Variants in CACNA2D1 observed in about 807,000 individuals in gnomAD.
The protein encoded by CACNA2D1 is voltage-dependent calcium channel subunit alpha-2/delta-1.
A neutral mutation model predicts 171.5 loss-of-function variants in CACNA2D1; 53 were observed. The observed-to-expected ratio is 0.31, with a 90% CI of 0.25 to 0.39. The LOEUF (loss-of-function observed/expected upper bound fraction) is 0.39, where lower values mean the gene tolerates loss of function less well. Among genes scored for constraint, CACNA2D1 ranks in the 10% least tolerant of loss-of-function variants. The probability of loss-of-function intolerance (pLI) is 1.00; values close to 1 mark genes in which losing one functional copy is unlikely to be tolerated. For missense variants in CACNA2D1, 903 were observed against 1,299.8 expected (o/e 0.69, Z 4.69); for synonymous variants, 442 against 443.1 (o/e 1.00, Z 0.03).
chr7:81,971,887 G>GAAATGTGAGTGTAACTGATGATCTT, intron 25 of CACNA2D1, 23 bp from the exon 26 acceptor site: 1 of 1,362,180 alleles, frequency 7.3e-7, no homozygotes, highest in Non-Finnish European at 1.1e-6. Context: ...AAGATCATCA[G>GAAATGTGAGTGTAACTGATGATCTT]TTACACTCAC....
rs188169471 is a variant in CACNA2D1 at position 82,045,951 on chromosome 7, A to G, written c.880-7716T>C. On this transcript the variant is annotated intron_variant, in intron 10 of 38. Transcript: ENST00000356860. The stretch of plus-strand genomic sequence containing the variant: ...CTAAGGTCTTTAATCATTTTCAATT[A>G]CAGTTTAATAACAGAGGAGAAAGCT... 2.6e-5 allele frequency among the ~76,000 whole-genome samples: 4 copies of G among 152,236 alleles called. No homozygotes were observed. The East Asian group carries it at 5.8e-4, about 22-fold the overall frequency.
At chr7:82,439,883 C>T (rs1830367337) in intron 1 of CACNA2D1, among the ~76,000 whole-genome samples, 1 of 151,668 alleles carries the variant, frequency 6.6e-6, no homozygotes. Context: ...CATAATTGAT[C>T]ATATGGCACA....
At chr7:82,107,326 C>A (rs1563058097) in intron 6 of CACNA2D1, among the ~76,000 whole-genome samples, 1 of 152,068 alleles carries the variant, frequency 6.6e-6, no homozygotes, top group Non-Finnish European at 1.5e-5. Flanking sequence ...AAACAGAAAT[C>A]CAAAACAAAG....
At chr7:82,063,100 A>G (rs1194655330) in intron 9 of CACNA2D1, among the ~76,000 whole-genome samples, 1 of 152,134 alleles carries the variant, frequency 6.6e-6, no homozygotes, top group Non-Finnish European at 1.5e-5. Flanking sequence ...TGTGTGTAGG[A>G]AGACCTCAAT....
At chr7:82,309,133 C>G (rs1814097271) in intron 3 of CACNA2D1, among the ~76,000 whole-genome samples, 1 of 152,138 alleles carries the variant, frequency 6.6e-6, no homozygotes, top group South Asian at 2.1e-4. Flanking sequence ...AGGCCAGGTG[C>G]AGTGGCTCAT....
At chr7:82,042,896 A>T (rs75264970) in intron 10 of CACNA2D1, among the ~76,000 whole-genome samples, 2,662 of 152,198 alleles carry the variant, frequency 0.017, 78 homozygotes, top group African/African-American at 0.06. Flanking sequence ...TTATAATTTC[A>T]TATTTCTCTG....
chr7:82,191,952 G>T (rs114514179), intron 3 of CACNA2D1, among the ~76,000 whole-genome samples: 2 of 151,886 alleles, frequency 1.3e-5, no homozygotes, highest in East Asian at 3.9e-4. Flanking sequence ...TATTGTGAGT[G>T]TAAGCACTCT....
Position 81,965,655 on chromosome 7 carries a change from C to T in CACNA2D1, c.2513G>A (p.Cys838Tyr). Reference sequence around the variant, plus strand: ...AAACCCACCATCATCCAGAATCACACAATCCATTACCTATCAAAATAAAGT... The same window carrying T: ...AAACCCACCATCATCCAGAATCACATAATCCATTACCTATCAAAATAAAGT... ...DCKRNSDVMD[C>Y]VILDDGGFLL... The change falls in exon 32 of 39, where the codon TGT becomes TAT. Residue 838 changes from cysteine (C) to tyrosine (Y), a missense_variant. By Grantham distance (194) the Cys-to-Tyr change is radical. Coordinates refer to ENST00000356860, the MANE Select transcript of CACNA2D1 (RefSeq NM_000722.4). 1 of 1,586,986 alleles carries T rather than the reference C, an allele frequency of 6.3e-7. No homozygotes were observed. Among genetic ancestry groups the T allele is most frequent in the Non-Finnish European group, 8.6e-7 (1 of 1,156,152 alleles).
intron 12 of CACNA2D1, among the ~76,000 whole-genome samples, chr7:82,026,131 G>A (rs1168752683): frequency 2.0e-5 from 3 of 150,614 alleles, no homozygotes; most frequent in Non-Finnish European, 4.4e-5. Flanking sequence ...CATTTGCATG[G>A]AATAACTTTT....
chr7:81,981,784 G>A (rs1020735152), intron 24 of CACNA2D1, among the ~76,000 whole-genome samples: 4 of 152,058 alleles, frequency 2.6e-5, no homozygotes, highest in African/African-American at 7.2e-5. Context: ...ATGTACATGC[G>A]TGATGAAGGG....
At chr7:81,978,808 ATATATATATATATT>A (rs1245397433) in intron 24 of CACNA2D1, among the ~76,000 whole-genome samples, 1 of 76,886 alleles carries the variant, frequency 1.3e-5, no homozygotes. Flanking sequence ...GCACATATAT[ATATATATATATATT>A]TATTTATTTA....
At chr7:82,037,594 G>A (rs997465041) in intron 11 of CACNA2D1, among the ~76,000 whole-genome samples, 4 of 152,170 alleles carry the variant, frequency 2.6e-5, no homozygotes, top group South Asian at 2.1e-4. Flanking sequence ...TTCCTGCTCC[G>A]GGAGTTGCAT....
chr7:82,193,897 T>G (rs3801715), intron 3 of CACNA2D1, among the ~76,000 whole-genome samples: 3 of 151,990 alleles, frequency 2.0e-5, no homozygotes, highest in African/African-American at 7.2e-5. Context: ...AACATTCCCT[T>G]TATCTATTAT....
intron 1 of CACNA2D1, among the ~76,000 whole-genome samples, chr7:82,389,326 C>T (rs957752347): frequency 2.0e-5 from 3 of 151,538 alleles, no homozygotes; most frequent in African/African-American, 7.3e-5. Flanking sequence ...TTATCTCTGC[C>T]ACCCTGCAAA....
chr7:82,021,881 G>C (rs757561009), intron 12 of CACNA2D1, among the ~76,000 whole-genome samples: 7 of 151,924 alleles, frequency 4.6e-5, no homozygotes, highest in Non-Finnish European at 8.8e-5. Flanking sequence ...TCAGAGAAGA[G>C]AGCAGCAGAA....
intron 7 of CACNA2D1, among the ~76,000 whole-genome samples, chr7:82,067,485 A>C (rs956708872): frequency 6.6e-6 from 1 of 152,200 alleles, no homozygotes; most frequent in East Asian, 1.9e-4. Context: ...GGATATGTCA[A>C]AAACTATATA....
intron 3 of CACNA2D1, among the ~76,000 whole-genome samples, chr7:82,260,185 G>C (rs1806891899): frequency 6.6e-6 from 1 of 152,100 alleles, no homozygotes; most frequent in African/African-American, 2.4e-5. Flanking sequence ...TCATAGCATT[G>C]CACTCCAGGC....
intron 25 of CACNA2D1, among the ~76,000 whole-genome samples, chr7:81,973,524 C>T (rs1418151997): frequency 2.6e-5 from 4 of 151,502 alleles, no homozygotes; most frequent in East Asian, 1.9e-4. Flanking sequence ...TTGACCCTTC[C>T]TAATAGAAAG....
intron 6 of CACNA2D1, among the ~76,000 whole-genome samples, chr7:82,105,856 A>T (rs1390297806): frequency 6.6e-6 from 1 of 152,198 alleles, no homozygotes; most frequent in Non-Finnish European, 1.5e-5. Flanking sequence ...CACATGTTCC[A>T]GTGACTGTCA....
Sources: gnomAD v4.1 joint callset for allele counts (sites outside exome capture counted in the v4.1 genomes callset) on GRCh38, gnomAD v4.1.1 for gene constraint, MANE v1.5 for transcripts, NCBI Gene and HGNC (gene_info 2026-07-23, HGNC 2026-07-21) for gene names.